The following ZNF140 variants were observed in gnomAD, a reference collection of about 807,000 sequenced individuals.
ZNF140 encodes the protein zinc finger protein 140, also known as zinc finger protein 140 (clone pHZ-39).
In ZNF140, 13 loss-of-function variants were observed where a neutral mutation model predicts 12.9. That is an observed-to-expected ratio of 1.01 (90% CI 0.66 to 1.60). ZNF140 has a LOEUF of 1.60. Ranked by LOEUF, ZNF140 falls within the 40% of genes most tolerant of loss-of-function variation. The pLI is 0.00. For missense variants in ZNF140, 531 were observed against 548.8 expected (o/e 0.97, Z 0.32); for synonymous variants, 214 against 186.7 (o/e 1.15, Z -1.19).
At chr12:133,097,181 G>A (rs1056576009) in intron 4 of ZNF140, among the ~76,000 whole-genome samples, 1 of 152,110 alleles carries the variant, frequency 6.6e-6, no homozygotes, top group African/African-American at 2.4e-5. Context: ...CTTTTGATAA[G>A]TGTTAGTATG....
intron 2 of ZNF140, chr12:133,081,866 A>G: frequency 4.8e-6 from 1 of 209,622 alleles, no homozygotes; most frequent in South Asian, 5.0e-5. Context: ...GACCAGCAGT[A>G]TCAGCATCAT....
intron 4 of ZNF140, among the ~76,000 whole-genome samples, chr12:133,084,774 T>C (rs1954620784): frequency 6.6e-6 from 1 of 152,160 alleles, no homozygotes; most frequent in East Asian, 1.9e-4. Context: ...AACTGAGCTG[T>C]AGCTTTAAGG....
At chr12:133,091,530 CTT>C (rs1209443669) in intron 4 of ZNF140, among the ~76,000 whole-genome samples, 2 of 150,722 alleles carry the variant, frequency 1.3e-5, no homozygotes, top group Non-Finnish European at 3.0e-5. Flanking sequence ...TCTGATCTCT[CTT>C]TCTTTTCCCT....
At chr12:133,103,875 G>C (rs374341483) in intron 4 of ZNF140, among the ~76,000 whole-genome samples, 3,189 of 152,224 alleles carry the variant, frequency 0.021, 118 homozygotes, top group African/African-American at 0.074. Flanking sequence ...TTGGTTTAAA[G>C]AAGAGGCAAG....
chr12:133,099,136 A>C (rs1344822044), intron 4 of ZNF140, among the ~76,000 whole-genome samples: 1 of 148,540 alleles, frequency 6.7e-6, no homozygotes, highest in Non-Finnish European at 1.5e-5. Flanking sequence ...CGGCCTCCCA[A>C]AGTGCTGGGA....
Position 133,091,378 on chromosome 12 carries a change from T to C in ZNF140, c.232+7817T>C, listed in dbSNP as rs796109945. On this transcript the variant is annotated intron_variant, in intron 4 of 4. Coordinates refer to ENST00000355557, the MANE Select transcript of ZNF140 (RefSeq NM_003440.4). ...AACATTGATTTTATACAACACATGT[T>C]TTTGTGAGCTCCAGGTTGGGTCAAA... 3.8e-4 allele frequency among the ~76,000 whole-genome samples: 58 copies of C among 151,438 alleles called. 1 individual carries two copies. The highest frequency in any genetic ancestry group is 1.3e-3 in the African/African-American group (55 of 40,900).
At chr12:133,089,096 C>T (rs1296971901) in intron 4 of ZNF140, among the ~76,000 whole-genome samples, 1 of 152,148 alleles carries the variant, frequency 6.6e-6, no homozygotes, top group Admixed American at 6.6e-5. Flanking sequence ...AGTTTTCCCT[C>T]CGTTTCTGTC....
chr12:133,082,181 C>G (rs1954525137), intron 2 of ZNF140: 3 of 152,196 alleles, frequency 2.0e-5, no homozygotes, highest in African/African-American at 7.2e-5. Flanking sequence ...CATTTCAGTT[C>G]CACTTCTTTA....
intron 4 of ZNF140, among the ~76,000 whole-genome samples, chr12:133,099,872 A>T (rs1955271965): frequency 6.6e-6 from 1 of 151,938 alleles, no homozygotes; most frequent in African/African-American, 2.4e-5. Context: ...TTTCTAAGAG[A>T]GTAATTTCTC....
rs1955559012 is a variant in ZNF140, at chr12:133,105,491, T to G, written c.233-19T>G. The G allele has an allele frequency of 6.4e-7, 1 of 1,558,396 alleles. No individual in the cohort carries two copies. The highest frequency in any genetic ancestry group is 1.4e-5 in the African/African-American group (1 of 72,504). On this transcript the variant is annotated intron_variant, in intron 4 of 4. Coordinates refer to ENST00000355557, the MANE Select transcript of ZNF140 (RefSeq NM_003440.4). The stretch of plus-strand genomic sequence containing the variant: ...ATACAGGAAAAAGAAACATTCACTT[T>G]TTTTTTGGTATCTTTCAGTTTCAGA...
At chr12:133,083,926 C>CTGCA (rs149529728) in intron 4 of ZNF140, among the ~76,000 whole-genome samples, 5,627 of 151,020 alleles carry the variant, frequency 0.037, 339 homozygotes, top group African/African-American at 0.13. Flanking sequence ...CGCCACTGCA[C>CTGCA]TGCAGCCTGG....
chr12:133,093,211 T>G (rs1424290226), intron 4 of ZNF140, among the ~76,000 whole-genome samples: 1 of 151,204 alleles, frequency 6.6e-6, no homozygotes, highest in Non-Finnish European at 1.5e-5. Flanking sequence ...CTGGTACCCA[T>G]GCACTGTTAT....
chr12:133,097,501 G>C, intron 4 of ZNF140, among the ~76,000 whole-genome samples: 1 of 151,952 alleles, frequency 6.6e-6, no homozygotes, highest in East Asian at 1.9e-4. Flanking sequence ...ATATTAGCCA[G>C]GTGTGGTGGT....
chr12:133,091,609 T>G (rs1044506975), intron 4 of ZNF140, among the ~76,000 whole-genome samples: 2 of 150,430 alleles, frequency 1.3e-5, no homozygotes, highest in Admixed American at 6.6e-5. Context: ...CTGGTCGCTG[T>G]CTCTCCGGAG....
chr12:133,091,255 G>C (rs1466705141), intron 4 of ZNF140, among the ~76,000 whole-genome samples: 1 of 150,656 alleles, frequency 6.6e-6, no homozygotes, highest in Non-Finnish European at 1.5e-5. Flanking sequence ...CTGTGCCCTG[G>C]TTTATTGAGA....
intron 4 of ZNF140, among the ~76,000 whole-genome samples, chr12:133,100,564 T>C (rs974137658): frequency 2.6e-5 from 4 of 152,244 alleles, no homozygotes; most frequent in South Asian, 2.1e-4. Context: ...AGTTGCTTTT[T>C]TTCTTCTTCA....
intron 4 of ZNF140, among the ~76,000 whole-genome samples, chr12:133,090,565 T>A (rs1343605860): frequency 6.6e-6 from 1 of 152,110 alleles, no homozygotes; most frequent in East Asian, 1.9e-4. Context: ...TCCACACCTG[T>A]GGGTATTTCT....
intron 4 of ZNF140, among the ~76,000 whole-genome samples, chr12:133,092,283 T>C (rs11610200): frequency 0.18 from 27,790 of 150,744 alleles, 3,675 homozygotes; most frequent in Non-Finnish European, 0.25. Context: ...GGTCGGTCCA[T>C]GGACACAGGG....
chr12:133,093,186 G>A (rs1428675258), intron 4 of ZNF140, among the ~76,000 whole-genome samples: 3 of 151,138 alleles, frequency 2.0e-5, no homozygotes, highest in East Asian at 1.9e-4. Flanking sequence ...GCAGGGCCAC[G>A]GTCATCCATG....
Sources: allele counts gnomAD v4.1 joint callset (sites outside exome capture counted in the v4.1 genomes callset), GRCh38; gene constraint gnomAD v4.1.1; transcripts MANE v1.5; gene names NCBI Gene and HGNC (gene_info 2026-07-23, HGNC 2026-07-21).